The following CSGALNACT1 variants were observed in gnomAD, a reference collection of about 807,000 sequenced individuals.
The protein encoded by CSGALNACT1 is chondroitin sulfate N-acetylgalactosaminyltransferase 1.
In CSGALNACT1, 52 loss-of-function variants were observed where a neutral mutation model predicts 51.0. That is an observed-to-expected ratio of 1.02 (90% CI 0.82 to 1.29). CSGALNACT1 has a LOEUF of 1.29. Among genes scored for constraint, CSGALNACT1 ranks in the 50% most tolerant of loss-of-function variants. The probability of loss-of-function intolerance (pLI) is 0.00; values close to 1 mark genes in which losing one functional copy is unlikely to be tolerated. For missense variants in CSGALNACT1, 935 were observed against 679.2 expected (o/e 1.38, Z -4.19); for synonymous variants, 341 against 254.4 (o/e 1.34, Z -3.24).
chr8:19,655,182 C>T (rs2058151502), intron 1 of CSGALNACT1, among the ~76,000 whole-genome samples: 1 of 152,132 alleles, frequency 6.6e-6, no homozygotes, highest in South Asian at 2.1e-4. Flanking sequence ...GAAGACATCT[C>T]TGACTCCGTG....
At chr8:19,631,946 T>A (rs2975417) in intron 1 of CSGALNACT1, among the ~76,000 whole-genome samples, 89,653 of 152,082 alleles carry the variant, frequency 0.59, 26,771 homozygotes, top group African/African-American at 0.66. Flanking sequence ...TTTTATGCAA[T>A]CTGGGACAAG....
At chr8:19,646,030 T>C (rs985690092) in intron 1 of CSGALNACT1, among the ~76,000 whole-genome samples, 1 of 151,550 alleles carries the variant, frequency 6.6e-6, no homozygotes, top group Non-Finnish European at 1.5e-5. Context: ...AAAAGAAAAA[T>C]AACAAGAAAT....
At chr8:19,448,310 T>C (rs1466515027) in intron 5 of CSGALNACT1, among the ~76,000 whole-genome samples, 2 of 152,198 alleles carry the variant, frequency 1.3e-5, no homozygotes, top group Non-Finnish European at 2.9e-5. Flanking sequence ...TTATCCTCAT[T>C]GTAGGAAGAG....
intron 1 of CSGALNACT1, among the ~76,000 whole-genome samples, chr8:19,630,316 T>TA (rs894444519): frequency 6.6e-6 from 1 of 151,910 alleles, no homozygotes; most frequent in African/African-American, 2.4e-5. Flanking sequence ...CTTGCTAATT[T>TA]AAAAAAATTA....
At chr8:19,600,688 AT>A (rs2050216480) in intron 2 of CSGALNACT1, among the ~76,000 whole-genome samples, 1 of 151,700 alleles carries the variant, frequency 6.6e-6, no homozygotes, top group African/African-American at 2.4e-5. Flanking sequence ...TATTTTTTCT[AT>A]TGTTAGTAAC....
chr8:19,637,966 A>G (rs1378832185), intron 1 of CSGALNACT1, among the ~76,000 whole-genome samples: 3 of 152,130 alleles, frequency 2.0e-5, no homozygotes, highest in African/African-American at 7.2e-5. Flanking sequence ...TCAGGTCGAA[A>G]GTGCTGGTTA....
intron 1 of CSGALNACT1, among the ~76,000 whole-genome samples, chr8:19,668,179 G>A (rs1167765479): frequency 6.6e-6 from 1 of 152,112 alleles, no homozygotes; most frequent in East Asian, 1.9e-4. Context: ...ATGCAAAAAA[G>A]GAATGGTAAA....
At chr8:19,573,507 G>T (rs1046385641) in intron 3 of CSGALNACT1, among the ~76,000 whole-genome samples, 1 of 151,676 alleles carries the variant, frequency 6.6e-6, no homozygotes, top group African/African-American at 2.4e-5. Context: ...GTAGTGGTGC[G>T]ATCTCTGCTC....
At chr8:19,479,011 T>C (rs1180549402) in intron 4 of CSGALNACT1, among the ~76,000 whole-genome samples, 2 of 152,334 alleles carry the variant, frequency 1.3e-5, no homozygotes, top group East Asian at 3.9e-4. Context: ...GAGTGACTTA[T>C]TTGATGATCC....
chr8:19,605,444 A>G (rs1302035522), upstream of CSGALNACT1, among the ~76,000 whole-genome samples: 1 of 152,156 alleles, frequency 6.6e-6, no homozygotes, highest in South Asian at 2.1e-4. Context: ...TCCAATAAAT[A>G]AATAATTAAT....
intron 1 of CSGALNACT1, among the ~76,000 whole-genome samples, chr8:19,631,343 T>C (rs1399089737): frequency 6.6e-6 from 1 of 152,232 alleles, no homozygotes; most frequent in Non-Finnish European, 1.5e-5. Flanking sequence ...TTTCTGTTGC[T>C]CCACATCCTT....
Position 19,417,418 on chromosome 8 carries a change from G to C in CSGALNACT1, c.1227+1238C>G, listed in dbSNP as rs527698301. Among the ~76,000 whole-genome samples, 20 of 152,284 alleles carry C rather than the reference G, an allele frequency of 1.3e-4. No individual in the cohort carries two copies. The South Asian group carries it at 3.9e-3, about 30-fold the overall frequency. On this transcript the variant is annotated intron_variant, in intron 8 of 9. Coordinates refer to ENST00000454498, the Ensembl canonical transcript of CSGALNACT1. ...AATATCAGTTGCCAGAGGTTAACTT[G>C]GGGAGAGAGGATGAAAGGCACAGGA... is the stretch of plus-strand genomic sequence containing the variant.
intron 1 of CSGALNACT1, among the ~76,000 whole-genome samples, chr8:19,664,995 T>C (rs571654146): frequency 1.1e-4 from 17 of 152,290 alleles, no homozygotes; most frequent in African/African-American, 4.1e-4. Context: ...AGTACATTCA[T>C]GTAACAAAAA....
intron 1 of CSGALNACT1, among the ~76,000 whole-genome samples, chr8:19,613,743 C>T (rs908216077): frequency 6.6e-6 from 1 of 152,220 alleles, no homozygotes; most frequent in Non-Finnish European, 1.5e-5. Flanking sequence ...TTATAAATGG[C>T]TCTCCAAAAG....
chr8:19,656,588 TACG>T (rs2058294733), intron 1 of CSGALNACT1, among the ~76,000 whole-genome samples: 1 of 107,728 alleles, frequency 9.3e-6, no homozygotes, highest in Non-Finnish European at 2.0e-5. Flanking sequence ...CAGGAGAAAC[TACG>T]CCCCCCCCCC....
At chr8:19,652,971 T>G (rs1276958468) in intron 1 of CSGALNACT1, among the ~76,000 whole-genome samples, 1 of 152,182 alleles carries the variant, frequency 6.6e-6, no homozygotes, top group African/African-American at 2.4e-5. Flanking sequence ...TAACCAAGTA[T>G]CTGCTTTGCC....
upstream of CSGALNACT1, among the ~76,000 whole-genome samples, chr8:19,684,745 C>A (rs760122463): frequency 3.9e-5 from 6 of 152,158 alleles, no homozygotes; most frequent in Non-Finnish European, 8.8e-5. Flanking sequence ...CAAAAAGCCT[C>A]TCCGTGTAAG....
At chr8:19,675,130 A>G (rs1453870670) in intron 1 of CSGALNACT1, among the ~76,000 whole-genome samples, 3 of 152,208 alleles carry the variant, frequency 2.0e-5, no homozygotes, top group African/African-American at 7.2e-5. Flanking sequence ...TAGGGTATTT[A>G]AAGTCATGGA....
Position 19,599,099 on chromosome 8 carries a change from A to C in CSGALNACT1, c.-416+2672T>G, listed in dbSNP as rs141720306. 7.9e-3 allele frequency among the ~76,000 whole-genome samples: 1,202 copies of C among 151,902 alleles called. 17 individuals are homozygous for C. The highest frequency in any genetic ancestry group is 0.027 in the African/African-American group (1,137 of 41,402). The stretch of plus-strand genomic sequence containing the variant: ...TGAGCAGAAGGGCCAGAGGTGGGAG[A>C]CAGGAACAGGTGGAGACAAAAGCAC... On this transcript the variant is annotated intron_variant, in intron 2 of 9. Coordinates refer to ENST00000454498, the Ensembl canonical transcript of CSGALNACT1.
Sources: allele counts gnomAD v4.1 joint callset (sites outside exome capture counted in the v4.1 genomes callset), GRCh38; gene constraint gnomAD v4.1.1; transcripts MANE v1.5; gene names NCBI Gene and HGNC (gene_info 2026-07-23, HGNC 2026-07-21).